Variants in FSTL4 observed in about 807,000 individuals in gnomAD.
FSTL4 encodes the protein follistatin like 4.
Under a neutral mutation model 78.2 loss-of-function variants are expected in FSTL4, and 28 were observed. The ratio of observed to expected loss-of-function variants is 0.36; its 90% confidence interval spans 0.27 to 0.49. FSTL4 has a LOEUF of 0.49. Ranked by LOEUF, FSTL4 falls within the 20% of genes least tolerant of loss-of-function variation. FSTL4 has a pLI of 0.98. For missense variants in FSTL4, 922 were observed against 1,084.9 expected (o/e 0.85, Z 2.11); for synonymous variants, 422 against 440.5 (o/e 0.96, Z 0.53).
At chr5:133,778,800 A>C in the FSTL4 span, among the ~76,000 whole-genome samples, 1 of 152,222 alleles carries the variant, frequency 6.6e-6, no homozygotes, top group African/African-American at 2.4e-5. Context: ...AGGCCTCAAA[A>C]GGGGCAGAAT....
chr5:133,199,503 GTCAGCTGCAGCACTGAC>G lies in FSTL4; in HGVS notation c.2104_2120del (p.Val702GlnfsTer20). The G allele has an allele frequency of 6.2e-7, 1 of 1,614,230 alleles. No homozygotes were observed. The highest frequency in any genetic ancestry group is 8.5e-7 in the Non-Finnish European group (1 of 1,180,028). On this transcript the variant is annotated frameshift_variant, in exon 16 of 16. Transcript: ENST00000265342. LOFTEE classifies it low-confidence loss of function (END_TRUNC). The surrounding 1 kb of genome is among the most constrained non-coding windows in gnomAD (Gnocchi z 4.4). ...TCTCCTGCACGTGCAGCCAGGGGCT[GTCAGCTGCAGCACTGAC>G]TATGAAGCGCCCGTCGGGGGATGTG...
intron 4 of FSTL4, among the ~76,000 whole-genome samples, chr5:133,328,726 G>A (rs992838597): frequency 6.6e-6 from 1 of 152,148 alleles, no homozygotes; most frequent in African/African-American, 2.4e-5. Flanking sequence ...AGCCCCAAGA[G>A]CAGAAGCAGT....
Position 133,611,466 on chromosome 5 carries a change from C to T in FSTL4, c.-11+859G>A, listed in dbSNP as rs922578896. Among the ~76,000 whole-genome samples the T allele has an allele frequency of 2.4e-4, 37 of 152,366 alleles. No individual in the cohort carries two copies. The highest frequency in any genetic ancestry group is 8.2e-4 in the African/African-American group (34 of 41,588). ...AGGCGCCGAAAGCAGAGTGCTGTGC[C>T]TGCCTCGTCCAGGTCCCTCCTGAAA... is the stretch of plus-strand genomic sequence containing the variant. On this transcript the variant is annotated intron_variant, in intron 1 of 15. Coordinates refer to ENST00000265342, the MANE Select transcript of FSTL4 (RefSeq NM_015082.2). This position sits in a 1 kb window ranked among gnomAD's most constrained non-coding sequence, Gnocchi z 4.9.
At chr5:133,428,969 G>A (rs995075924) in intron 3 of FSTL4, among the ~76,000 whole-genome samples, 6 of 152,206 alleles carry the variant, frequency 3.9e-5, no homozygotes, top group African/African-American at 1.4e-4. Flanking sequence ...ATAAGTGACT[G>A]CCTTCTTATT....
the FSTL4 span, among the ~76,000 whole-genome samples, chr5:133,687,564 G>A: frequency 6.6e-6 from 1 of 152,138 alleles, no homozygotes; most frequent in African/African-American, 2.4e-5. Flanking sequence ...TTGCACACTG[G>A]AAGGGCTTTG....
chr5:133,208,142 C>T (rs1229428167), intron 14 of FSTL4: 4 of 152,148 alleles, frequency 2.6e-5, no homozygotes, highest in Admixed American at 1.3e-4. Flanking sequence ...TATCTCTGTC[C>T]ACCTTGATGT....
chr5:133,625,644 AG>A, the FSTL4 span, among the ~76,000 whole-genome samples: 1 of 143,296 alleles, frequency 7.0e-6, no homozygotes, highest in African/African-American at 2.6e-5. Context: ...TTACTTCCTT[AG>A]TTCTGCTTGC....
At chr5:133,602,930 G>T (rs774759588) in intron 2 of FSTL4, among the ~76,000 whole-genome samples, 5 of 152,148 alleles carry the variant, frequency 3.3e-5, no homozygotes, top group Non-Finnish European at 7.4e-5. Context: ...CACTCTCTGG[G>T]AATGTTGACT....
intron 6 of FSTL4, among the ~76,000 whole-genome samples, chr5:133,255,697 A>T (rs2126829173): frequency 6.6e-6 from 1 of 152,256 alleles, no homozygotes; most frequent in African/African-American, 2.4e-5. Context: ...TGCCACAAAC[A>T]CCCGTCCTCA....
At chr5:133,424,389 C>A (rs1265900117) in intron 3 of FSTL4, among the ~76,000 whole-genome samples, 1 of 152,138 alleles carries the variant, frequency 6.6e-6, no homozygotes, top group Non-Finnish European at 1.5e-5. Flanking sequence ...AGAGACACAA[C>A]CCGAGGGGAC....
At chr5:133,751,161 G>T in the FSTL4 span, among the ~76,000 whole-genome samples, 1 of 152,110 alleles carries the variant, frequency 6.6e-6, no homozygotes, top group South Asian at 2.1e-4. Flanking sequence ...CTACCTGCCA[G>T]TCATGCCTGT....
At chr5:133,349,151 G>C (rs1471506920) in intron 4 of FSTL4, among the ~76,000 whole-genome samples, 3 of 152,194 alleles carry the variant, frequency 2.0e-5, no homozygotes, top group Non-Finnish European at 2.9e-5. Context: ...CAGAGGGAAG[G>C]CTGGGATATG....
the FSTL4 span, among the ~76,000 whole-genome samples, chr5:133,770,063 G>A: frequency 1.3e-5 from 2 of 151,868 alleles, no homozygotes; most frequent in Non-Finnish European, 2.9e-5. Context: ...GTAGTATTCC[G>A]TGGGGTGTGT....
At chr5:133,461,883 C>T (rs1462367607) in intron 3 of FSTL4, among the ~76,000 whole-genome samples, 1 of 152,174 alleles carries the variant, frequency 6.6e-6, no homozygotes, top group Admixed American at 6.5e-5. Context: ...AAAATAACTA[C>T]ACATTCTCAC....
At chr5:133,375,296 A>ATATATGTGTGTG (rs1331280521) in intron 4 of FSTL4, among the ~76,000 whole-genome samples, 1 of 128,776 alleles carries the variant, frequency 7.8e-6, no homozygotes, top group Non-Finnish European at 1.7e-5. Flanking sequence ...CATGGCATAT[A>ATATATGTGTGTG]TATATATATA....
intron 3 of FSTL4, among the ~76,000 whole-genome samples, chr5:133,456,548 G>T (rs1757495183): frequency 6.6e-6 from 1 of 152,204 alleles, no homozygotes; most frequent in African/African-American, 2.4e-5. Flanking sequence ...CCCAGACACA[G>T]GCTTTCCCTG....
chr5:133,309,652 A>G (rs908327465), intron 6 of FSTL4, among the ~76,000 whole-genome samples: 6 of 152,220 alleles, frequency 3.9e-5, no homozygotes, highest in Non-Finnish European at 8.8e-5. Context: ...GGCCAGCTGC[A>G]TGGGAAGACA....
At chr5:133,673,146 G>A in the FSTL4 span, among the ~76,000 whole-genome samples, 18 of 152,344 alleles carry the variant, frequency 1.2e-4, no homozygotes, top group African/African-American at 4.1e-4. Flanking sequence ...CTATCTCAGT[G>A]AGCAAAGGAG....
intron 4 of FSTL4, among the ~76,000 whole-genome samples, chr5:133,370,723 G>T (rs775151743): frequency 6.6e-6 from 1 of 152,110 alleles, no homozygotes; most frequent in Non-Finnish European, 1.5e-5. Context: ...GGGGAGAAGG[G>T]GTAGGCAGGT....
Sources: allele counts gnomAD v4.1 joint callset (sites outside exome capture counted in the v4.1 genomes callset), GRCh38; gene constraint gnomAD v4.1.1; non-coding constraint Gnocchi (gnomAD v3.1); transcripts MANE v1.5; gene names NCBI Gene and HGNC (gene_info 2026-07-23, HGNC 2026-07-21).